Variants in SPON1 observed in about 807,000 individuals in gnomAD.
The protein encoded by SPON1 is spondin-1.
A neutral mutation model predicts 111.7 loss-of-function variants in SPON1; 52 were observed. The observed-to-expected ratio is 0.47, with a 90% confidence interval of 0.37 to 0.59. The LOEUF (loss-of-function observed/expected upper bound fraction) is 0.59. Among genes scored for constraint, SPON1 ranks in the 20% least tolerant of loss-of-function variants. The pLI is 0.00. For synonymous variants in SPON1, 410 were observed against 395.8 expected, an observed-to-expected ratio of 1.04 and a Z score of -0.43; for missense variants, 957 against 1,068.5, an observed-to-expected ratio of 0.90 and a Z score of 1.46.
At chr11:14,150,108 G>T (rs934159451) in intron 6 of SPON1, among the ~76,000 whole-genome samples, 1 of 152,044 alleles carries the variant, frequency 6.6e-6, no homozygotes, top group Non-Finnish European at 1.5e-5. Flanking sequence ...AGAAAAATTG[G>T]TGTATATACA....
intron 6 of SPON1, among the ~76,000 whole-genome samples, chr11:14,225,722 A>G (rs1406127912): frequency 6.6e-6 from 1 of 152,238 alleles, no homozygotes; most frequent in Non-Finnish European, 1.5e-5. Flanking sequence ...TTTAAAGAAA[A>G]TAAAATATCT....
chr11:14,098,334 A>C (rs868977691), intron 5 of SPON1, among the ~76,000 whole-genome samples: 1 of 152,210 alleles, frequency 6.6e-6, no homozygotes, highest in Non-Finnish European at 1.5e-5. Context: ...TGAACAAATA[A>C]TTGTTACTAT....
intron 3 of SPON1, among the ~76,000 whole-genome samples, chr11:14,057,085 T>A (rs1173370809): frequency 6.6e-6 from 1 of 152,094 alleles, no homozygotes; most frequent in African/African-American, 2.4e-5. Flanking sequence ...AGTGGATGGA[T>A]AATTGGAAAG....
At chr11:13,973,372 A>T (rs1848078050) in intron 1 of SPON1, among the ~76,000 whole-genome samples, 1 of 152,196 alleles carries the variant, frequency 6.6e-6, no homozygotes, top group South Asian at 2.1e-4. Flanking sequence ...GGTCCCCCAG[A>T]GCTTCCTGCC....
intron 6 of SPON1, among the ~76,000 whole-genome samples, chr11:14,156,731 G>A (rs565379430): frequency 6.6e-5 from 10 of 152,114 alleles, no homozygotes; most frequent in Non-Finnish European, 1.3e-4. Flanking sequence ...AGTTTTCCCA[G>A]CACCATTTAT....
chr11:14,068,537 C>A (rs138793151), intron 3 of SPON1, among the ~76,000 whole-genome samples: 66 of 152,314 alleles, frequency 4.3e-4, no homozygotes, highest in African/African-American at 1.5e-3. Context: ...CTGCTCAGAG[C>A]AGAGAACGTT....
intron 6 of SPON1, among the ~76,000 whole-genome samples, chr11:14,172,547 G>A (rs1203556907): frequency 6.6e-6 from 1 of 151,884 alleles, no homozygotes; most frequent in Non-Finnish European, 1.5e-5. Flanking sequence ...GATGTTAGCT[G>A]GTTATTTTGC....
intron 6 of SPON1, among the ~76,000 whole-genome samples, chr11:14,211,781 C>T (rs1247750830): frequency 1.3e-5 from 2 of 151,970 alleles, no homozygotes; most frequent in Non-Finnish European, 2.9e-5. Context: ...CCAAACTGTC[C>T]TCTTTCTAAA....
intron 2 of SPON1, among the ~76,000 whole-genome samples, chr11:14,035,870 G>A (rs1806631904): frequency 6.6e-6 from 1 of 151,992 alleles, no homozygotes; most frequent in East Asian, 1.9e-4. Flanking sequence ...CTCTTGCCTT[G>A]GCCTCCCAAA....
chr11:14,169,154 C>T (rs1554932151), intron 6 of SPON1, among the ~76,000 whole-genome samples: 2 of 152,196 alleles, frequency 1.3e-5, no homozygotes, highest in Admixed American at 6.5e-5. Context: ...CACGTCCTCT[C>T]CAGCACCTGT....
At chr11:14,234,276 T>C (rs1470256866) in intron 6 of SPON1, among the ~76,000 whole-genome samples, 3 of 152,212 alleles carry the variant, frequency 2.0e-5, no homozygotes, top group African/African-American at 7.2e-5. Context: ...GATGTTCGAA[T>C]ACCTTCTGCT....
chr11:13,984,855 T>C (rs1480080445), intron 2 of SPON1, among the ~76,000 whole-genome samples: 1 of 152,154 alleles, frequency 6.6e-6, no homozygotes, highest in East Asian at 1.9e-4. Context: ...GGATAAACAT[T>C]TGACTCTTTC....
intron 1 of SPON1, among the ~76,000 whole-genome samples, chr11:13,970,622 C>A (rs931931770): frequency 4.6e-5 from 7 of 152,118 alleles, no homozygotes; most frequent in Non-Finnish European, 8.8e-5. Flanking sequence ...TTGTCCTCCC[C>A]CCAACTCCTG....
At chr11:14,048,098 G>T (rs549749016) in intron 3 of SPON1, among the ~76,000 whole-genome samples, 1 of 152,198 alleles carries the variant, frequency 6.6e-6, no homozygotes, top group African/African-American at 2.4e-5. Context: ...AATTAGCCAG[G>T]TGTGGAGGTG....
At chr11:13,974,210 C>G (rs1468434679) in intron 1 of SPON1, among the ~76,000 whole-genome samples, 1 of 152,150 alleles carries the variant, frequency 6.6e-6, no homozygotes, top group Non-Finnish European at 1.5e-5. Context: ...ACTTAATGTC[C>G]CAACAGTCTT....
At chr11:14,193,991 T>C (rs1179875627) in intron 6 of SPON1, among the ~76,000 whole-genome samples, 1 of 152,216 alleles carries the variant, frequency 6.6e-6, no homozygotes, top group Non-Finnish European at 1.5e-5. Context: ...GAAGGACCCC[T>C]GCTGAGCCCC....
At chr11:14,232,691 TG>T (rs1306933308) in intron 6 of SPON1, among the ~76,000 whole-genome samples, 2 of 152,198 alleles carry the variant, frequency 1.3e-5, no homozygotes, top group African/African-American at 2.4e-5. Context: ...CATACAAACT[TG>T]CCCTCATATC....
chr11:14,163,479 C>G (rs1317877531), intron 6 of SPON1, among the ~76,000 whole-genome samples: 1 of 152,114 alleles, frequency 6.6e-6, no homozygotes, highest in Non-Finnish European at 1.5e-5. Context: ...CAGTCAGCCT[C>G]CCTAAACTCA....
chr11:14,147,384 A>G (rs945665827), intron 6 of SPON1, among the ~76,000 whole-genome samples: 5 of 151,162 alleles, frequency 3.3e-5, no homozygotes, highest in Admixed American at 3.3e-4. Flanking sequence ...ACATCACAAA[A>G]CCCGGAGATC....
Sources: gnomAD v4.1 joint callset for allele counts (sites outside exome capture counted in the v4.1 genomes callset) on GRCh38, gnomAD v4.1.1 for gene constraint, MANE v1.5 for transcripts, NCBI Gene and HGNC (gene_info 2026-07-23, HGNC 2026-07-21) for gene names.